Variants in ANK2 observed in about 807,000 individuals in gnomAD.
The protein encoded by ANK2 is ankyrin-2.
Under a neutral mutation model 360.5 loss-of-function variants are expected in ANK2, and 83 were observed. The observed-to-expected ratio is 0.23, with a 90% CI of 0.19 to 0.28. The LOEUF (loss-of-function observed/expected upper bound fraction) is 0.28. Among genes scored for constraint, ANK2 ranks in the 10% least tolerant of loss-of-function variants. The probability of loss-of-function intolerance (pLI) is 1.00; values close to 1 mark genes in which losing one functional copy is unlikely to be tolerated. For missense variants in ANK2, 4,201 were observed against 4,795.7 expected, an observed-to-expected ratio of 0.88 and a Z score of 3.66; for synonymous variants, 1,740 against 1,759.5, an observed-to-expected ratio of 0.99 and a Z score of 0.28.
chr4:113,173,014 G>A (rs551453146), intron 1 of ANK2, among the ~76,000 whole-genome samples: 1 of 152,314 alleles, frequency 6.6e-6, no homozygotes, highest in East Asian at 1.9e-4. Flanking sequence ...GAAGGATGAA[G>A]AGTGAAGAAC....
chr4:113,151,135 CA>C, intron 1 of ANK2: 2 of 1,285,116 alleles, frequency 1.6e-6, no homozygotes, highest in Non-Finnish European at 2.0e-6. Flanking sequence ...GTGATGGAAG[CA>C]AAAAAACACT....
At chr4:113,231,437 C>T (rs2099303748) in intron 4 of ANK2, among the ~76,000 whole-genome samples, 1 of 152,070 alleles carries the variant, frequency 6.6e-6, no homozygotes. Context: ...AGGGTGCTAA[C>T]TAAACTCTGT....
At chr4:113,135,009 C>G (rs2096304884) in intron 1 of ANK2, among the ~76,000 whole-genome samples, 1 of 152,168 alleles carries the variant, frequency 6.6e-6, no homozygotes, top group Non-Finnish European at 1.5e-5. Context: ...ATCTGAATTA[C>G]TGATGTTTCA....
chr4:112,838,747 TAA>T (rs2061501653), intron 1 of ANK2, among the ~76,000 whole-genome samples: 1 of 152,184 alleles, frequency 6.6e-6, no homozygotes, highest in Non-Finnish European at 1.5e-5. Context: ...CGCATGCCTG[TAA>T]TCCCAGCTAC....
chr4:113,150,679 T>C (rs528915314), intron 1 of ANK2, among the ~76,000 whole-genome samples: 78 of 152,270 alleles, frequency 5.1e-4, no homozygotes, highest in African/African-American at 1.8e-3. Context: ...CAACTCAGCC[T>C]CAGAGGGTGG....
In ANK2 at chr4:113,354,106, C is replaced by T. The variant is rs748530855; in HGVS notation, c.5488C>T (p.His1830Tyr). ...GTCTCCCTCCCCTAAAACAGAAAGACACTCTACTCTTTCCTCTTCCGCAAA... is the reference window on the plus strand; with the variant it reads ...GTCTCCCTCCCCTAAAACAGAAAGATACTCTACTCTTTCCTCTTCCGCAAA... ...PGSPSPKTERHSTLSSSAKTE... is the reference protein window; with the variant it reads ...PGSPSPKTERYSTLSSSAKTE... The change falls in exon 38 of 46, where the codon CAC becomes TAC. Residue 1830 changes from histidine to tyrosine, a missense_variant. Around this residue, in one of 4 missense-constraint regions of ANK2, gnomAD observed 2,642 missense variants for 2,714.5 expected, o/e 0.97. Coordinates refer to ENST00000357077, the MANE Select transcript of ANK2 (RefSeq NM_001148.6). The T allele has an allele frequency of 6.2e-6, 10 of 1,613,992 alleles. No individual in the cohort carries two copies. The highest frequency in any genetic ancestry group is 8.5e-6 in the Non-Finnish European group (10 of 1,179,992).
At chr4:112,818,832 T>C (rs926311603) in intron 1 of ANK2, among the ~76,000 whole-genome samples, 10 of 152,180 alleles carry the variant, frequency 6.6e-5, no homozygotes, top group Admixed American at 5.2e-4. Flanking sequence ...TTATATTAAA[T>C]AGTGTCAGCT....
chr4:113,283,152 CTG>C (rs996516758), intron 18 of ANK2, among the ~76,000 whole-genome samples: 1 of 152,170 alleles, frequency 6.6e-6, no homozygotes, highest in Admixed American at 6.5e-5. Flanking sequence ...TTGCTTTTCT[CTG>C]TGTGTCTAAA....
chr4:113,070,832 G>A (rs940162808), intron 1 of ANK2, among the ~76,000 whole-genome samples: 2 of 151,914 alleles, frequency 1.3e-5, no homozygotes, highest in Non-Finnish European at 2.9e-5. Flanking sequence ...TATGGTATAT[G>A]TCATTAGTAT....
At chr4:112,735,675 C>A in the ANK2 span, among the ~76,000 whole-genome samples, 1 of 152,134 alleles carries the variant, frequency 6.6e-6, no homozygotes, top group Admixed American at 6.6e-5. Context: ...TATTCTATTT[C>A]TTTTTTTAAA....
In ANK2 at chr4:113,330,294, A is replaced by T. The variant is rs2153923263; in HGVS notation, c.2949A>T (p.Gly983=). 6.2e-7 allele frequency: 1 copy of T among 1,614,174 alleles called. No individual in the cohort carries two copies. Among genetic ancestry groups the T allele is most frequent in the African/African-American group, 1.3e-5 (1 of 75,050 alleles). ...ATGCCCGAGGTGGTGCTATGCGAGG[A>T]TGCAGACACAATGGGCTCCGAATCA... ...MVDARGGAMR[G]CRHNGLRIII... Residue 983 remains glycine, a synonymous_variant, in exon 27 of 46, where the codon GGA becomes GGT. Transcript: ENST00000357077.
rs1012573434 is a variant in ANK2 at position 113,356,298 on chromosome 4, A to C, written c.7680A>C (p.Pro2560=). The change falls in exon 38 of 46, where the codon CCA becomes CCC. Residue 2560 remains proline (P), a synonymous_variant. Coordinates refer to ENST00000357077, the MANE Select transcript of ANK2 (RefSeq NM_001148.6). ...VTPKTTDVST[P]KPAVIHECAE... ...CCAAAACCACAGATGTAAGTACACC[A>C]AAACCAGCTGTGATTCATGAATGTG... 1.2e-6 allele frequency: 2 copies of C among 1,614,058 alleles called. No individual in the cohort carries two copies. The highest frequency in any genetic ancestry group is 2.7e-5 in the African/African-American group (2 of 74,934).
chr4:112,986,131 A>T (rs2044782953), intron 2 of ANK2, among the ~76,000 whole-genome samples: 1 of 141,694 alleles, frequency 7.1e-6, no homozygotes. Flanking sequence ...GGTCTGGTTC[A>T]TAGAATCAGA....
intron 1 of ANK2, among the ~76,000 whole-genome samples, chr4:113,173,629 C>T (rs918764677): frequency 1.3e-5 from 2 of 152,188 alleles, no homozygotes; most frequent in African/African-American, 4.8e-5. Context: ...GAGCAACTCT[C>T]TTCGGACTTT....
chr4:113,284,754 A>G (rs1417232363), intron 18 of ANK2, among the ~76,000 whole-genome samples: 1 of 152,220 alleles, frequency 6.6e-6, no homozygotes, highest in Non-Finnish European at 1.5e-5. Context: ...GTAAGTTTAC[A>G]CAGATATATC....
chr4:112,787,475 C>T, the ANK2 span, among the ~76,000 whole-genome samples: 3 of 152,290 alleles, frequency 2.0e-5, no homozygotes, highest in East Asian at 5.8e-4. Flanking sequence ...GCTTTGTTTT[C>T]TGGTGTCTTC....
chr4:113,216,324 G>A (rs193139927), intron 4 of ANK2, among the ~76,000 whole-genome samples: 15 of 152,288 alleles, frequency 9.8e-5, no homozygotes, highest in Non-Finnish European at 1.8e-4. Context: ...AAGCCTATGC[G>A]TAGCACAGTT....
chr4:112,808,407 ATT>A, the ANK2 span, among the ~76,000 whole-genome samples: 1 of 152,252 alleles, frequency 6.6e-6, no homozygotes, highest in Non-Finnish European at 1.5e-5. Flanking sequence ...GTAATCAAAT[ATT>A]ATGTCACTCC....
intron 1 of ANK2, among the ~76,000 whole-genome samples, chr4:112,897,731 G>A (rs2082160243): frequency 6.6e-6 from 1 of 152,154 alleles, no homozygotes; most frequent in Non-Finnish European, 1.5e-5. Context: ...TAATACCAAG[G>A]CATTGCAATT....
Sources: gnomAD v4.1 joint callset for allele counts (sites outside exome capture counted in the v4.1 genomes callset) on GRCh38, gnomAD v4.1.1 for gene constraint, gnomAD v4.1.1 regional missense constraint, MANE v1.5 for transcripts, NCBI Gene and HGNC (gene_info 2026-07-23, HGNC 2026-07-21) for gene names.